The following FHDC1 variants were observed in gnomAD, a reference collection of about 807,000 sequenced individuals.
FHDC1 encodes FH2 domain-containing protein 1.
Under a neutral mutation model 52.6 loss-of-function variants are expected in FHDC1, and 25 were observed. The ratio of observed to expected loss-of-function variants is 0.48; its 90% CI spans 0.35 to 0.66. The LOEUF (loss-of-function observed/expected upper bound fraction) is 0.66, where lower values mean the gene tolerates loss of function less well. Among genes scored for constraint, FHDC1 ranks in the 30% least tolerant of loss-of-function variants. The pLI, the probability that FHDC1 is intolerant of heterozygous loss-of-function variation, is 0.01. For synonymous variants in FHDC1, 616 were observed against 581.5 expected (o/e 1.06, Z -0.85); for missense variants, 1,459 against 1,452.8 (o/e 1.00, Z -0.07).
intron 10 of FHDC1, 79 bp from the exon 11 acceptor site, chr4:152,972,298 C>A: frequency 7.0e-7 from 1 of 1,432,556 alleles, no homozygotes; most frequent in Non-Finnish European, 9.3e-7. Flanking sequence ...CACGTCTTCT[C>A]TGGGCACCGG....
At position 152,976,827 on chromosome 4, in the gene FHDC1, G is replaced by A; in HGVS notation, c.*104G>A. 7.4e-7 allele frequency: 1 copy of A among 1,348,752 alleles called. No homozygotes were observed. The highest frequency in any genetic ancestry group is 1.6e-5 in the South Asian group (1 of 61,052). 83.5% of individuals were successfully genotyped at this position (1,348,752 alleles called of 1,614,324 possible). A position where few individuals can be genotyped will look rare whatever the true frequency, so the allele number is the denominator to read the frequency against. On this transcript the variant is annotated 3_prime_UTR_variant, in exon 12 of 12. Transcript: ENST00000511601. ...GCATGTCTTTGTTACAGATAAAGCA[G>A]CCACTGGTGCCACTGCTAGTGACGC...
rs897984471 is a variant in FHDC1, at chr4:152,942,991, A to G, written c.-67A>G. 6.1e-5 allele frequency: 94 copies of G among 1,534,026 alleles called. No individual in the cohort carries two copies. The highest frequency in any genetic ancestry group is 4.1e-5 in the Non-Finnish European group (46 of 1,134,552). On this transcript the variant is annotated 5_prime_UTR_variant, in exon 2 of 12. Transcript: ENST00000511601. ...ATAGCAGCAGGTGAAAAAGTGCTAC[A>G]CAAGTTTGATGTTTGTGTCTTCTTC...
the FHDC1 span, chr4:152,912,224 T>C: frequency 9.9e-5 from 15 of 152,148 alleles, no homozygotes; most frequent in African/African-American, 2.4e-4. Context: ...TAAATCAATA[T>C]ATTTAGCCAA....
rs758411160 is a variant in FHDC1, at chr4:152,960,606, G to C, written c.705G>C (p.Leu235=). ...CGTTTAGTGGCGACGTGTCGAAGCT[G>C]TCTCTGGCAGATTCCTTTCTGTATG... is the stretch of plus-strand genomic sequence containing the variant. ...LKAFSGDVSK[L]SLADSFLYGL... The change falls in exon 5 of 12, where the codon CTG becomes CTC. Residue 235 remains leucine, a synonymous_variant. Coordinates refer to ENST00000511601, the MANE Select transcript of FHDC1 (RefSeq NM_001371116.1). 1.9e-6 allele frequency: 3 copies of C among 1,614,172 alleles called. No individual in the cohort carries two copies. The highest frequency in any genetic ancestry group is 2.5e-6 in the Non-Finnish European group (3 of 1,180,038).
chr4:152,924,171 C>G, the FHDC1 span, among the ~76,000 whole-genome samples: 13 of 151,048 alleles, frequency 8.6e-5, no homozygotes, highest in Admixed American at 4.6e-4. Flanking sequence ...GAAAAAAAAA[C>G]CAACAACCCC....
intron 2 of FHDC1, among the ~76,000 whole-genome samples, chr4:152,949,124 T>TAATAATAAGAAGAAGAAGAAGAAG (rs1347590282): frequency 8.0e-5 from 6 of 74,698 alleles, no homozygotes; most frequent in South Asian, 5.6e-4. Context: ...ATAATAATAA[T>TAATAATAAGAAGAAGAAGAAGAAG]AAGAAGAAGA....
chr4:152,975,491 A>T lies in FHDC1; in HGVS notation c.2200A>T (p.Ser734Cys), dbSNP rs77508430. The change falls in exon 12 of 12, where the codon AGT (serine) becomes TGT (cysteine). Residue 734 changes from serine to cysteine, a missense_variant. Around this residue, in one of 3 missense-constraint regions of FHDC1, gnomAD observed 939 missense variants for 854.5 expected, o/e 1.10. Coordinates refer to ENST00000511601, the MANE Select transcript of FHDC1 (RefSeq NM_001371116.1). ...ACCCATGGGCAGAGATGCCCTGGGG[A>T]GTCTCAGCCCAGCGCTGGAGGATGG... ...LTPMGRDALG[S>C]LSPALEDGKA... The T allele has an allele frequency of 1.7e-3, 2,787 of 1,613,342 alleles. 48 individuals carry two copies. In the African/African-American group the frequency reaches 0.032, roughly 19 times the overall value.
At chr4:152,928,653 C>T in the FHDC1 span, among the ~76,000 whole-genome samples, 1 of 152,184 alleles carries the variant, frequency 6.6e-6, no homozygotes, top group African/African-American at 2.4e-5. Context: ...TTTGGTTCTA[C>T]TGCATTGTGG....
intron 1 of FHDC1, among the ~76,000 whole-genome samples, chr4:152,940,810 A>G (rs1197415426): frequency 6.6e-6 from 1 of 152,240 alleles, no homozygotes; most frequent in Non-Finnish European, 1.5e-5. Flanking sequence ...AAACTGCCAA[A>G]ATTACCTGCA....
In FHDC1 at chr4:152,976,058, T is replaced by A. The variant is rs777166257; in HGVS notation, c.2767T>A (p.Ser923Thr). ...RGAGWRRPEL[S>T]SRGPSQNPPS... ...CGCCGGCTGGAGGCGACCAGAGCTG[T>A]CATCCCGGGGGCCCTCCCAGAATCC... Residue 923 changes from serine to threonine, a missense_variant, in exon 12 of 12, where the codon TCA becomes ACA. Physicochemically the swap from Ser to Thr is moderately conservative, Grantham distance 58. Coordinates refer to ENST00000511601, the MANE Select transcript of FHDC1 (RefSeq NM_001371116.1). 3.8e-6 allele frequency: 6 copies of A among 1,595,292 alleles called. No homozygotes were observed. In the South Asian group the frequency reaches 6.8e-5, roughly 18 times the overall value.
upstream of FHDC1, among the ~76,000 whole-genome samples, chr4:152,931,862 A>C (rs1481311453): frequency 1.4e-5 from 2 of 146,562 alleles, no homozygotes; most frequent in African/African-American, 5.1e-5. Flanking sequence ...AGTTGAGCCC[A>C]GGAGGTTGAG....
chr4:152,932,401 C>CA (rs58456339), upstream of FHDC1, among the ~76,000 whole-genome samples: 55,509 of 145,142 alleles, frequency 0.38, 10,928 homozygotes, highest in Admixed American at 0.49. Flanking sequence ...GACTCTATCT[C>CA]AAAAAAAAAA....
upstream of FHDC1, among the ~76,000 whole-genome samples, chr4:152,934,547 A>ATAT (rs1739313843): frequency 6.6e-6 from 1 of 152,136 alleles, no homozygotes; most frequent in South Asian, 2.1e-4. Context: ...GCTTTCCTTT[A>ATAT]AGAAGTTCCC....
Position 152,968,043 on chromosome 4 carries a change from A to G in FHDC1, c.1164A>G (p.Lys388=). 1.2e-6 allele frequency: 2 copies of G among 1,614,040 alleles called. No individual in the cohort carries two copies. Among genetic ancestry groups the G allele is most frequent in the South Asian group, 1.1e-5 (1 of 91,062 alleles). ...HLLFVRTKSL[K]ENIQRDGELC... ...TGTTTGTCAGGACAAAATCACTAAA[A>G]GAAAACATCCAGCGGGATGGTGAAC... The change falls in exon 10 of 12, where the codon AAA becomes AAG. Residue 388 remains lysine, a synonymous_variant. Transcript: ENST00000511601.
intron 11 of FHDC1, 77 bp from the exon 12 acceptor site, chr4:152,974,598 C>T (rs1051304100): frequency 3.2e-5 from 48 of 1,480,212 alleles, no homozygotes; most frequent in Non-Finnish European, 3.9e-5. Flanking sequence ...TTCTTTGGCT[C>T]TTAGCGTAGG....
At position 152,976,536 on chromosome 4, in the gene FHDC1, A is replaced by T. The variant is rs199988751; in HGVS notation, c.3245A>T (p.Asp1082Val). ...KGDPEDAAPK[D>V]SSTLRRASSA... ...GACCCCGAGGATGCCGCTCCCAAGG[A>T]CAGCAGCACTTTGAGGCGAGCCAGC... The change falls in exon 12 of 12, where the codon GAC becomes GTC. Residue 1082 changes from aspartate to valine, a missense_variant. Physicochemically the swap from Asp to Val is radical, Grantham distance 152. Around this residue, in one of 3 missense-constraint regions of FHDC1, gnomAD observed 939 missense variants for 854.5 expected, o/e 1.10. Coordinates refer to ENST00000511601, the MANE Select transcript of FHDC1 (RefSeq NM_001371116.1). The T allele has an allele frequency of 3.3e-5, 53 of 1,613,080 alleles. No homozygotes were observed. In the Admixed American group the frequency reaches 8.5e-4, roughly 26 times the overall value.
At chr4:152,950,473 G>C (rs1235896102) in intron 2 of FHDC1, among the ~76,000 whole-genome samples, 2 of 152,138 alleles carry the variant, frequency 1.3e-5, no homozygotes, top group Non-Finnish European at 2.9e-5. Flanking sequence ...TTTCCTGTAA[G>C]GTGCTCAGTC....
intron 4 of FHDC1, among the ~76,000 whole-genome samples, chr4:152,959,148 G>C (rs1740198514): frequency 6.6e-6 from 1 of 152,160 alleles, no homozygotes; most frequent in Admixed American, 6.5e-5. Context: ...TGAAGTGTTA[G>C]CTACTTACTG....
At chr4:152,948,717 A>T (rs530118723) in intron 2 of FHDC1, among the ~76,000 whole-genome samples, 1 of 152,100 alleles carries the variant, frequency 6.6e-6, no homozygotes, top group African/African-American at 2.4e-5. Context: ...CAGCCTCCCA[A>T]TGTGCTGGGA....
Sources: gnomAD v4.1 joint callset for allele counts (sites outside exome capture counted in the v4.1 genomes callset) on GRCh38, gnomAD v4.1.1 for gene constraint, gnomAD v4.1.1 regional missense constraint, MANE v1.5 for transcripts, NCBI Gene and HGNC (gene_info 2026-07-23, HGNC 2026-07-21) for gene names.